The following CNIH3 variants were observed in gnomAD, a reference collection of about 807,000 sequenced individuals.
The protein encoded by CNIH3 is cornichon family AMPA receptor auxiliary protein 3.
In CNIH3, 14 loss-of-function variants were observed where a neutral mutation model predicts 24.1. The observed-to-expected ratio is 0.58, with a 90% CI of 0.38 to 0.91. The LOEUF (loss-of-function observed/expected upper bound fraction) is 0.91. CNIH3 is among the 40% of genes least tolerant of loss of function. The pLI is 0.00. For synonymous variants in CNIH3, 68 were observed against 73.8 expected (o/e 0.92, Z 0.40); for missense variants, 178 against 196.8 (o/e 0.90, Z 0.57).
At chr1:224,435,368 T>C (rs1280926735) in intron 1 of CNIH3, among the ~76,000 whole-genome samples, 2 of 152,086 alleles carry the variant, frequency 1.3e-5, no homozygotes, top group Non-Finnish European at 2.9e-5. Flanking sequence ...CCCGGGGCCA[T>C]CCCGGGAGCT....
chr1:224,474,343 A>G (rs1168682978), intron 1 of CNIH3, among the ~76,000 whole-genome samples: 1 of 150,270 alleles, frequency 6.7e-6, no homozygotes. Context: ...CAGCCTGGGC[A>G]GCAAGAGCAA....
Position 224,501,528 on chromosome 1 carries a change from T to A in CNIH3, n.204-14213T>A, listed in dbSNP as rs866770266. Among the ~76,000 whole-genome samples the A allele has an allele frequency of 7.0e-3, 981 of 140,102 alleles. 7 individuals are homozygous for A. Among genetic ancestry groups the A allele is most frequent in the South Asian group, 0.018 (84 of 4,706 alleles). The allele number at this position is 140,102 out of a possible 152,430, so 91.9% of individuals were successfully genotyped here. On this transcript the variant is annotated intron_variant and non_coding_transcript_variant, in intron 1 of 5. Transcript: ENST00000471578. Reference sequence around the variant, plus strand: ...ACCTATATATATATATATATATATTTTTTTTTTTTAACCCCAGAGTTCATG... The same window carrying A: ...ACCTATATATATATATATATATATTATTTTTTTTTAACCCCAGAGTTCATG...
At chr1:224,519,642 TTG>T (rs934248406) in intron 1 of CNIH3, among the ~76,000 whole-genome samples, 122 of 149,738 alleles carry the variant, frequency 8.1e-4, no homozygotes, top group African/African-American at 2.9e-3. Flanking sequence ...CATATACATT[TTG>T]TGTGTGTACT....
At chr1:224,452,846 T>TGCG (rs1411081525) in intron 1 of CNIH3, among the ~76,000 whole-genome samples, 3 of 142,268 alleles carry the variant, frequency 2.1e-5, no homozygotes, top group Non-Finnish European at 4.6e-5. Context: ...TATGGCCAGG[T>TGCG]GCGGTGGCTC....
chr1:224,449,690 A>G (rs1304386381), intron 1 of CNIH3, among the ~76,000 whole-genome samples: 2 of 152,092 alleles, frequency 1.3e-5, no homozygotes, highest in African/African-American at 4.8e-5. Context: ...TGAAACCATT[A>G]TGTCACTTCC....
At chr1:224,500,525 T>G (rs1381037893) in intron 1 of CNIH3, among the ~76,000 whole-genome samples, 1 of 152,014 alleles carries the variant, frequency 6.6e-6, no homozygotes, top group Non-Finnish European at 1.5e-5. Flanking sequence ...TACAAAAACT[T>G]AGTCAGGCTT....
chr1:224,602,966 C>T (rs958899391), intron 3 of CNIH3, among the ~76,000 whole-genome samples: 40 of 152,174 alleles, frequency 2.6e-4, no homozygotes, highest in African/African-American at 9.2e-4. Context: ...AGGTTAAGGA[C>T]ATGTCTGTGG....
chr1:224,656,446 C>T (rs1264475202), intron 1 of CNIH3, among the ~76,000 whole-genome samples: 4 of 152,108 alleles, frequency 2.6e-5, no homozygotes, highest in Non-Finnish European at 4.4e-5. Flanking sequence ...ATCCCACATG[C>T]GAAAAGCTAG....
chr1:224,707,485 A>G (rs528184494), intron 3 of CNIH3, among the ~76,000 whole-genome samples: 139 of 130,098 alleles, frequency 1.1e-3, no homozygotes, highest in Non-Finnish European at 1.8e-3. Flanking sequence ...AGAGTTAACC[A>G]CAAAGTTCAC....
At chr1:224,737,850 T>G (rs1350521562) in intron 5 of CNIH3, among the ~76,000 whole-genome samples, 1 of 152,174 alleles carries the variant, frequency 6.6e-6, no homozygotes, top group Non-Finnish European at 1.5e-5. Flanking sequence ...CAGGTTGCCT[T>G]GTGGACCAGG....
intron 3 of CNIH3, among the ~76,000 whole-genome samples, chr1:224,694,475 C>A (rs1421802908): frequency 6.6e-6 from 1 of 152,172 alleles, no homozygotes; most frequent in Admixed American, 6.5e-5. Context: ...GATTCCTATC[C>A]ACCCAGGATA....
intron 3 of CNIH3, among the ~76,000 whole-genome samples, chr1:224,558,008 A>C (rs1680211976): frequency 1.3e-5 from 2 of 152,364 alleles, no homozygotes; most frequent in Middle Eastern, 3.4e-3. Context: ...AGCTAGGATG[A>C]GAACCCAATT....
chr1:224,661,622 C>G (rs980966006), intron 1 of CNIH3: 2 of 330,328 alleles, frequency 6.1e-6, no homozygotes, highest in African/African-American at 4.4e-5. Flanking sequence ...AATGTGATGA[C>G]AAACTCAAAT....
At chr1:224,503,272 T>C (rs1677757041) in intron 1 of CNIH3, among the ~76,000 whole-genome samples, 1 of 152,246 alleles carries the variant, frequency 6.6e-6, no homozygotes, top group Non-Finnish European at 1.5e-5. Context: ...GTGCTGCACT[T>C]GCTGAAAGCC....
At chr1:224,435,151 C>A (rs1674591064) in intron 1 of CNIH3, 2 of 985,858 alleles carry the variant, frequency 2.0e-6, no homozygotes, top group South Asian at 9.4e-5. Context: ...ATGTAAGGTG[C>A]GCGGAGGGAC....
chr1:224,734,140 C>T (rs1357037466), intron 4 of CNIH3, among the ~76,000 whole-genome samples: 1 of 152,138 alleles, frequency 6.6e-6, no homozygotes, highest in Non-Finnish European at 1.5e-5. Flanking sequence ...ATAGGATGTC[C>T]CGAAGTATTC....
intron 4 of CNIH3, among the ~76,000 whole-genome samples, chr1:224,579,900 CCTTTT>C (rs1175939706): frequency 6.6e-6 from 1 of 152,156 alleles, no homozygotes; most frequent in Admixed American, 6.6e-5. Flanking sequence ...GTTAAATAAG[CCTTTT>C]CTTTTCTTTA....
At chr1:224,666,272 G>A (rs1220610073) in intron 1 of CNIH3, among the ~76,000 whole-genome samples, 7 of 152,156 alleles carry the variant, frequency 4.6e-5, no homozygotes, top group Admixed American at 6.5e-5. Context: ...GGTACTGTGA[G>A]GTGTTAATGG....
chr1:224,634,936 A>T (rs1016311153), intron 1 of CNIH3, among the ~76,000 whole-genome samples: 1 of 152,206 alleles, frequency 6.6e-6, no homozygotes, highest in Non-Finnish European at 1.5e-5. Flanking sequence ...TCAGAGTATA[A>T]GTTGTTTTGC....
Sources: gnomAD v4.1 joint callset for allele counts (sites outside exome capture counted in the v4.1 genomes callset) on GRCh38, gnomAD v4.1.1 for gene constraint, MANE v1.5 for transcripts, NCBI Gene and HGNC (gene_info 2026-07-23, HGNC 2026-07-21) for gene names.